The following SLC7A14 variants were observed in gnomAD, a reference collection of about 807,000 sequenced individuals.
SLC7A14 encodes solute carrier family 7 member 14.
In SLC7A14, 37 loss-of-function variants were observed where a neutral mutation model predicts 60.2. The ratio of observed to expected loss-of-function variants is 0.61; its 90% CI spans 0.47 to 0.81. SLC7A14 has a LOEUF of 0.81. Ranked by LOEUF, SLC7A14 falls within the 30% of genes least tolerant of loss-of-function variation. The pLI is 0.00. For missense variants in SLC7A14, 886 were observed against 982.7 expected (o/e 0.90, Z 1.32); for synonymous variants, 399 against 395.8 (o/e 1.01, Z -0.10).
chr3:170,547,920 T>C (rs1714228443), intron 1 of SLC7A14, among the ~76,000 whole-genome samples: 2 of 152,160 alleles, frequency 1.3e-5, no homozygotes, highest in Admixed American at 6.5e-5. Context: ...GGTGGACATA[T>C]ATTTTGCAGA....
In SLC7A14 at chr3:170,479,538, G is replaced by A. The variant is rs368579031; in HGVS notation, c.1993+751C>T. Among the ~76,000 whole-genome samples the A allele has an allele frequency of 4.5e-3, 689 of 152,284 alleles. 7 individuals carry two copies. The highest frequency in any genetic ancestry group is 0.026 in the South Asian group (124 of 4,828). ...ACAGGACTTCTTGAAGTCCGTGAAA[G>A]TGAGTTTAGAGAACAATTTGAATTC... On this transcript the variant is annotated intron_variant, in intron 7 of 7. Transcript: ENST00000231706.
intron 7 of SLC7A14, among the ~76,000 whole-genome samples, chr3:170,477,435 C>A (rs1711653548): frequency 6.6e-6 from 1 of 152,224 alleles, no homozygotes; most frequent in African/African-American, 2.4e-5. Context: ...CTGCTATATT[C>A]TAGCTATGTG....
intron 2 of SLC7A14, among the ~76,000 whole-genome samples, chr3:170,521,486 A>T (rs1713337210): frequency 6.6e-6 from 1 of 152,268 alleles, no homozygotes; most frequent in African/African-American, 2.4e-5. Context: ...CAGTATTTTT[A>T]AAAAGAGATA....
chr3:170,562,052 G>C (rs1714669289), intron 1 of SLC7A14, among the ~76,000 whole-genome samples: 1 of 152,210 alleles, frequency 6.6e-6, no homozygotes, highest in Non-Finnish European at 1.5e-5. Flanking sequence ...GGGAATGTAA[G>C]CTACTACAGC....
rs369209523 is a variant in SLC7A14 at position 170,539,649 on chromosome 3, G to T, written c.-152-12561C>A. Among the ~76,000 whole-genome samples, 26 of 152,046 alleles carry T rather than the reference G, an allele frequency of 1.7e-4. No homozygotes were observed. In the East Asian group the frequency reaches 4.8e-3, roughly 28 times the overall value. On this transcript the variant is annotated intron_variant, in intron 1 of 7. Transcript: ENST00000231706. ...GGTAGGAATTTTGTATCTAATTATA[G>T]ATAAATTATCTCTATTTAAAAATCC...
In SLC7A14 at chr3:170,486,339, G is replaced by A. The variant is rs145982660; in HGVS notation, c.789C>T (p.Tyr263=). ...GVLQGAATCF[Y]AFIGFDIIAT... is the part of the protein sequence containing the mutation. Reference sequence around the variant, plus strand: ...CGATGATGTCAAAGCCAATGAAAGCGTAGAAGCATGTTGCTGCTCCTTGCA... The same window carrying A: ...CGATGATGTCAAAGCCAATGAAAGCATAGAAGCATGTTGCTGCTCCTTGCA... The change falls in exon 5 of 8, where the codon TAC becomes TAT. Residue 263 remains tyrosine (Y), a synonymous_variant. Coordinates refer to ENST00000231706, the MANE Select transcript of SLC7A14 (RefSeq NM_020949.3). 204 of 1,614,236 alleles carry A rather than the reference G, an allele frequency of 1.3e-4. No homozygotes were observed. In the African/African-American group the frequency reaches 1.3e-3, roughly 10 times the overall value.
intron 1 of SLC7A14, among the ~76,000 whole-genome samples, chr3:170,574,384 C>T (rs1715031985): frequency 6.6e-6 from 1 of 152,204 alleles, no homozygotes; most frequent in African/African-American, 2.4e-5. Flanking sequence ...TTCTTGGCCA[C>T]TCCCAATCTT....
Position 170,469,504 on chromosome 3 carries a change from G to A in SLC7A14, c.1994-2127C>T, listed in dbSNP as rs536844498. Among the ~76,000 whole-genome samples the A allele has an allele frequency of 2.0e-5, 3 of 152,168 alleles. No individual in the cohort carries two copies. In the East Asian group the frequency reaches 5.8e-4, roughly 29 times the overall value. On this transcript the variant is annotated intron_variant, in intron 7 of 7. Transcript: ENST00000231706. ...TTACTCTTTCTTTTCTGTAGGTGGG[G>A]GGTGGCTATGGGGGATGGTTATTAT...
intron 7 of SLC7A14, among the ~76,000 whole-genome samples, chr3:170,470,364 G>T (rs748106324): frequency 6.9e-6 from 1 of 145,362 alleles, no homozygotes; most frequent in Non-Finnish European, 1.5e-5. Flanking sequence ...GTGTCTGCGC[G>T]CTCTCACATA....
intron 1 of SLC7A14, among the ~76,000 whole-genome samples, chr3:170,529,288 A>T (rs987930674): frequency 6.6e-6 from 1 of 152,222 alleles, no homozygotes; most frequent in Non-Finnish European, 1.5e-5. Flanking sequence ...TATAAATGTT[A>T]TATCATTTAT....
chr3:170,477,865 C>G (rs1711675342), intron 7 of SLC7A14, among the ~76,000 whole-genome samples: 2 of 152,072 alleles, frequency 1.3e-5, no homozygotes, highest in African/African-American at 4.8e-5. Flanking sequence ...CACTGAAGGC[C>G]CTTTTCAGCT....
At chr3:170,469,125 C>A (rs1739807074) in intron 7 of SLC7A14, among the ~76,000 whole-genome samples, 2 of 152,290 alleles carry the variant, frequency 1.3e-5, no homozygotes, top group Non-Finnish European at 2.9e-5. Flanking sequence ...CCTTCCCGGG[C>A]CCTAACATCC....
At chr3:170,495,149 C>A (rs1364960060) in intron 4 of SLC7A14, among the ~76,000 whole-genome samples, 1 of 152,162 alleles carries the variant, frequency 6.6e-6, no homozygotes. Flanking sequence ...CTATTGACAA[C>A]CGTAACAAGC....
chr3:170,539,390 G>A (rs572154478), intron 1 of SLC7A14, among the ~76,000 whole-genome samples: 2 of 152,150 alleles, frequency 1.3e-5, no homozygotes, highest in Admixed American at 1.3e-4. Flanking sequence ...CCTCTCTGTG[G>A]TCTCTTGTAC....
rs1462348701 is a variant in SLC7A14 at position 170,514,916 on chromosome 3, G to A, written c.304+11717C>T. ...AACTTAATCTTCACAAGATGGTTAT[G>A]ATGCAGAAACTGTTATAATTTCCAT... On this transcript the variant is annotated intron_variant, in intron 2 of 7. Coordinates refer to ENST00000231706, the MANE Select transcript of SLC7A14 (RefSeq NM_020949.3). 2.0e-5 allele frequency among the ~76,000 whole-genome samples: 3 copies of A among 152,214 alleles called. No individual in the cohort carries two copies. The East Asian group carries it at 5.8e-4, about 29-fold the overall frequency.
At chr3:170,509,865 G>A (rs772340040) in intron 2 of SLC7A14, among the ~76,000 whole-genome samples, 1 of 150,274 alleles carries the variant, frequency 6.7e-6, no homozygotes, top group South Asian at 2.1e-4. Context: ...GATCACCTGA[G>A]GTCGGGAGTT....
chr3:170,545,391 T>C (rs897204301), intron 1 of SLC7A14, among the ~76,000 whole-genome samples: 12 of 152,206 alleles, frequency 7.9e-5, no homozygotes, highest in African/African-American at 2.4e-4. Flanking sequence ...CCAGAGTCTT[T>C]TTCCCTTCCT....
intron 1 of SLC7A14, among the ~76,000 whole-genome samples, chr3:170,573,773 C>G (rs1301159314): frequency 6.6e-6 from 1 of 152,178 alleles, no homozygotes; most frequent in Non-Finnish European, 1.5e-5. Context: ...TGGAAGAGTT[C>G]TCTTGTCTCT....
At position 170,464,157 on chromosome 3, in the gene SLC7A14, T is replaced by G. The variant is rs1355888337; in HGVS notation, c.*2898A>C. On this transcript the variant is annotated 3_prime_UTR_variant, in exon 8 of 8. Transcript: ENST00000231706. ...TTTTTGTTTTGTATTATATATATTT[T>G]AGTAGCTGCCTCAAATCCTTTTGAA... 6.6e-6 allele frequency: 1 copy of G among 152,248 alleles called. No homozygotes were observed. Among genetic ancestry groups the G allele is most frequent in the South Asian group, 2.1e-4 (1 of 4,834 alleles). 9.4% of individuals were successfully genotyped at this position (152,248 alleles called of 1,614,324 possible).
Sources: allele counts gnomAD v4.1 joint callset (sites outside exome capture counted in the v4.1 genomes callset), GRCh38; gene constraint gnomAD v4.1.1; transcripts MANE v1.5; gene names NCBI Gene and HGNC (gene_info 2026-07-23, HGNC 2026-07-21).